The following KLF8 variants were observed in gnomAD, a reference collection of about 807,000 sequenced individuals.
The protein encoded by KLF8 is KLF transcription factor 8.
KLF8 carries 10 observed loss-of-function variants against 18.2 expected under a neutral mutation model. The ratio of observed to expected loss-of-function variants is 0.55; its 90% confidence interval spans 0.34 to 0.93. The LOEUF is 0.93. KLF8 is among the 40% of genes least tolerant of loss of function. The probability of loss-of-function intolerance (pLI) is 0.02; values close to 1 mark genes in which losing one functional copy is unlikely to be tolerated. For synonymous variants in KLF8, 109 were observed against 97.3 expected, an observed-to-expected ratio of 1.12 and a Z score of -0.71; for missense variants, 264 against 277.9, an observed-to-expected ratio of 0.95 and a Z score of 0.36.
intron 2 of KLF8, among the ~76,000 whole-genome samples, chrX:56,252,957 A>G (rs1362863709): frequency 8.9e-6 from 1 of 112,500 alleles, no homozygotes; most frequent in Non-Finnish European, 1.9e-5. Flanking sequence ...TTCTCTGATG[A>G]TCACTGATGT....
chrX:56,017,356 T>G, the KLF8 span, among the ~76,000 whole-genome samples: 1 of 112,547 alleles, frequency 8.9e-6, no homozygotes, highest in East Asian at 2.8e-4. Context: ...CTTGCTTGCC[T>G]GGTCAGAGGC....
the KLF8 span, among the ~76,000 whole-genome samples, chrX:56,202,074 T>C: frequency 9.0e-6 from 1 of 111,045 alleles, no homozygotes; most frequent in East Asian, 2.8e-4. Context: ...TATCTGAGCC[T>C]CCTAGAGAAG....
the KLF8 span, among the ~76,000 whole-genome samples, chrX:56,129,156 G>A: frequency 8.9e-6 from 1 of 111,942 alleles, no homozygotes; most frequent in Non-Finnish European, 1.9e-5. Flanking sequence ...GAAAAAAGTG[G>A]CAGAAAGGAG....
At chrX:55,941,397 G>A in the KLF8 span, among the ~76,000 whole-genome samples, 1 of 111,722 alleles carries the variant, frequency 9.0e-6, no homozygotes. Context: ...TTAAATGTTA[G>A]ACCTAAAACC....
At chrX:55,924,326 C>A in the KLF8 span, among the ~76,000 whole-genome samples, 1 of 111,812 alleles carries the variant, frequency 8.9e-6, no homozygotes, top group African/African-American at 3.3e-5. Flanking sequence ...ATCTGCCCGC[C>A]TCAGCCTCCA....
At chrX:55,939,226 C>G in the KLF8 span, among the ~76,000 whole-genome samples, 1 of 111,633 alleles carries the variant, frequency 9.0e-6, no homozygotes, top group Admixed American at 9.5e-5. Flanking sequence ...GAAACTCACT[C>G]AAAACCTCTC....
intron 1 of KLF8, among the ~76,000 whole-genome samples, chrX:56,239,075 C>T (rs1256724595): frequency 8.9e-6 from 1 of 112,482 alleles, no homozygotes; most frequent in Non-Finnish European, 1.9e-5. Context: ...TTTTCTCTGA[C>T]TATTCCATTC....
chrX:56,175,723 G>A, the KLF8 span, among the ~76,000 whole-genome samples: 18 of 111,204 alleles, frequency 1.6e-4, 1 homozygote, highest in Admixed American at 7.7e-4. Context: ...TTATTATCGC[G>A]TGGGAGTCTA....
the KLF8 span, among the ~76,000 whole-genome samples, chrX:56,024,478 G>C: frequency 3.6e-5 from 4 of 111,427 alleles, no homozygotes; most frequent in African/African-American, 1.3e-4. Flanking sequence ...GACGAGCCAC[G>C]GACAAAACCC....
At chrX:56,037,273 T>C in the KLF8 span, among the ~76,000 whole-genome samples, 2 of 111,737 alleles carry the variant, frequency 1.8e-5, no homozygotes, top group Non-Finnish European at 3.8e-5. Context: ...TCCCACTTGA[T>C]CGTGGTGTAT....
At chrX:56,104,294 G>A in the KLF8 span, among the ~76,000 whole-genome samples, 7 of 111,360 alleles carry the variant, frequency 6.3e-5, no homozygotes, top group South Asian at 3.8e-4. Context: ...AATGGTGCCA[G>A]CTCCTCCTTG....
At chrX:56,036,980 G>A in the KLF8 span, among the ~76,000 whole-genome samples, 1 of 111,384 alleles carries the variant, frequency 9.0e-6, no homozygotes, top group Non-Finnish European at 1.9e-5. Context: ...TTCCTGTATA[G>A]CAACACTACT....
the KLF8 span, among the ~76,000 whole-genome samples, chrX:55,931,656 T>A: frequency 8.9e-6 from 1 of 112,183 alleles, no homozygotes; most frequent in African/African-American, 3.2e-5. Flanking sequence ...AGCAGGTTGT[T>A]CAGTTTCCAT....
the KLF8 span, among the ~76,000 whole-genome samples, chrX:56,163,453 T>C: frequency 1.5e-4 from 17 of 112,247 alleles, no homozygotes; most frequent in South Asian, 7.3e-4. Context: ...TTTGTTTTTC[T>C]CTTGCACATT....
At chrX:56,259,329 C>T (rs1282420301) in intron 2 of KLF8, among the ~76,000 whole-genome samples, 1 of 110,890 alleles carries the variant, frequency 9.0e-6, no homozygotes, top group Non-Finnish European at 1.9e-5. Flanking sequence ...CTGTCACGCC[C>T]AAGAAAATGA....
At chrX:55,939,170 A>G in the KLF8 span, among the ~76,000 whole-genome samples, 1 of 111,932 alleles carries the variant, frequency 8.9e-6, no homozygotes, top group African/African-American at 3.2e-5. Context: ...ATTATAACAA[A>G]CTGTCTCTCA....
chrX:55,960,020 A>T, the KLF8 span, among the ~76,000 whole-genome samples: 17 of 112,064 alleles, frequency 1.5e-4, no homozygotes, highest in Non-Finnish European at 3.0e-4. Context: ...GTACAAAGGG[A>T]ACCCCATTAA....
the KLF8 span, among the ~76,000 whole-genome samples, chrX:56,029,052 C>G: frequency 9.0e-6 from 1 of 110,847 alleles, no homozygotes; most frequent in Non-Finnish European, 1.9e-5. Context: ...CAAGAGCTTC[C>G]CTGGGAACCG....
chrX:56,090,154 T>C, the KLF8 span, among the ~76,000 whole-genome samples: 2 of 111,940 alleles, frequency 1.8e-5, no homozygotes, highest in African/African-American at 6.5e-5. Context: ...CACATAAAAC[T>C]ATAGAATGCT....
Sources: gnomAD v4.1 joint callset for allele counts (sites outside exome capture counted in the v4.1 genomes callset) on GRCh38, gnomAD v4.1.1 for gene constraint, MANE v1.5 for transcripts, NCBI Gene and HGNC (gene_info 2026-07-23, HGNC 2026-07-21) for gene names.